Variants in IGF2R observed in about 807,000 individuals in gnomAD.
IGF2R encodes the protein insulin like growth factor 2 receptor, also known as cation-independent mannose-6-phosphate receptor.
Under a neutral mutation model 270.6 loss-of-function variants are expected in IGF2R, and 91 were observed. The ratio of observed to expected loss-of-function variants is 0.34; its 90% CI spans 0.28 to 0.40. The LOEUF (loss-of-function observed/expected upper bound fraction) is 0.40, where lower values mean the gene tolerates loss of function less well. Among genes scored for constraint, IGF2R ranks in the 10% least tolerant of loss-of-function variants. The pLI is 1.00. For missense variants in IGF2R, 2,805 were observed against 3,188.3 expected (o/e 0.88, Z 2.90); for synonymous variants, 1,316 against 1,258.9 (o/e 1.05, Z -0.96).
chr6:160,041,440 C>CA (rs1257498647), intron 11 of IGF2R, among the ~76,000 whole-genome samples: 1 of 152,002 alleles, frequency 6.6e-6, no homozygotes, highest in African/African-American at 2.4e-5. Context: ...ATTGAGAACA[C>CA]ATGGGCACAG....
chr6:160,009,191 G>C (rs566254725), intron 3 of IGF2R, 57 bp downstream of exon 3: 2 of 1,516,132 alleles, frequency 1.3e-6, no homozygotes, highest in African/African-American at 1.4e-5. Flanking sequence ...TCTGCCCCTT[G>C]GTGTTCTGGC....
At chr6:160,057,827 C>T (rs948819099) in intron 20 of IGF2R, among the ~76,000 whole-genome samples, 196 bp from the exon 21 acceptor site, 6 of 152,178 alleles carry the variant, frequency 3.9e-5, no homozygotes, top group African/African-American at 9.7e-5. Flanking sequence ...TCTGGGCTCA[C>T]ACTTGGTATA....
chr6:160,075,289 C>T (rs1778833616), intron 35 of IGF2R, among the ~76,000 whole-genome samples: 1 of 152,186 alleles, frequency 6.6e-6, no homozygotes, highest in East Asian at 1.9e-4. Context: ...TGGGCAGCCG[C>T]TGTGTGCCAG....
At chr6:160,063,388 C>T (rs1197072342) in intron 26 of IGF2R, 27 bp from the exon 27 acceptor site, 3 of 1,556,736 alleles carry the variant, frequency 1.9e-6, no homozygotes, top group Non-Finnish European at 1.8e-6. Flanking sequence ...GTTGCAGTTG[C>T]CCTTCACTTC....
intron 2 of IGF2R, among the ~76,000 whole-genome samples, chr6:160,008,246 T>C (rs1233253211): frequency 6.6e-6 from 1 of 152,208 alleles, no homozygotes; most frequent in Non-Finnish European, 1.5e-5. Context: ...TCTTTTTCCA[T>C]ATGGAAAACT....
In IGF2R at chr6:160,081,752, A is replaced by G. The variant is rs183345206; in HGVS notation, c.5833+1477A>G. ...AATTATTAAAATTCCTTACTGGGGA[A>G]AGAATTCAGCGATATTTCTCTTACC... On this transcript the variant is annotated intron_variant, in intron 39 of 47. Transcript: ENST00000356956. Among the ~76,000 whole-genome samples, 174 of 152,356 alleles carry G rather than the reference A, an allele frequency of 1.1e-3. 1 individual carries two copies. Among genetic ancestry groups the G allele is most frequent in the African/African-American group, 3.9e-3 (164 of 41,578 alleles).
chr6:160,057,177 G>A (rs1778334232), intron 20 of IGF2R, among the ~76,000 whole-genome samples: 1 of 152,218 alleles, frequency 6.6e-6, no homozygotes, highest in Admixed American at 6.5e-5. Flanking sequence ...GCCCACAGGT[G>A]TTAATGTGCC....
intron 1 of IGF2R, among the ~76,000 whole-genome samples, chr6:159,970,311 A>G (rs1172884910): frequency 6.6e-6 from 1 of 152,186 alleles, no homozygotes; most frequent in East Asian, 1.9e-4. Flanking sequence ...AGGAAGCAGG[A>G]TGAAAAGTTT....
At position 160,050,744 on chromosome 6, in the gene IGF2R, T is replaced by A. The variant is rs1279273286; in HGVS notation, c.2694+92T>A. The A allele has an allele frequency of 9.9e-6, 12 of 1,208,576 alleles. No individual in the cohort carries two copies. The highest frequency in any genetic ancestry group is 2.3e-6 in the Non-Finnish European group (2 of 873,240). The allele number at this position is 1,208,576 out of a possible 1,614,324, so 74.9% of individuals were successfully genotyped here. On this transcript the variant is annotated intron_variant, in intron 19 of 47. Transcript: ENST00000356956. The surrounding 1 kb of genome is among the most constrained non-coding windows in gnomAD (Gnocchi z 4.0). ...TCTCTTAACAGCAGCAGTCTTGGGGTGGGTGGCGGAGCTAGGCCAGTCTTA... is the reference window on the plus strand; with the variant it reads ...TCTCTTAACAGCAGCAGTCTTGGGGAGGGTGGCGGAGCTAGGCCAGTCTTA...
At chr6:159,980,043 C>T (rs1319402583) in intron 1 of IGF2R, among the ~76,000 whole-genome samples, 4 of 151,840 alleles carry the variant, frequency 2.6e-5, no homozygotes, top group South Asian at 2.1e-4. Flanking sequence ...TAGATGGGCG[C>T]GGTGGCGGGC....
At chr6:160,070,238 G>A (rs8191874) in intron 31 of IGF2R, among the ~76,000 whole-genome samples, 180 bp downstream of exon 31, 76 of 152,350 alleles carry the variant, frequency 5.0e-4, no homozygotes, top group Admixed American at 6.5e-4. Context: ...GGGAACCCTC[G>A]TGCTGTCTGG....
intron 1 of IGF2R, among the ~76,000 whole-genome samples, chr6:159,990,268 T>C (rs569769153): frequency 4.9e-4 from 74 of 152,328 alleles, no homozygotes; most frequent in African/African-American, 1.6e-3. Flanking sequence ...TCTCAGCTTG[T>C]AGTTCCCATA....
intron 19 of IGF2R, among the ~76,000 whole-genome samples, chr6:160,054,976 G>A (rs1778279133): frequency 6.6e-6 from 1 of 152,040 alleles, no homozygotes; most frequent in African/African-American, 2.4e-5. Flanking sequence ...CTTTGTCATT[G>A]GCTAACACTC....
At chr6:160,017,796 G>A (rs1777340722) in intron 4 of IGF2R, among the ~76,000 whole-genome samples, 1 of 152,120 alleles carries the variant, frequency 6.6e-6, no homozygotes, top group South Asian at 2.1e-4. Context: ...GTCTTTCTCA[G>A]ACATGCAAAT....
intron 41 of IGF2R, among the ~76,000 whole-genome samples, chr6:160,086,894 G>A (rs553478247): frequency 6.6e-6 from 1 of 152,224 alleles, no homozygotes; most frequent in Admixed American, 6.5e-5. Flanking sequence ...TGTGGTCAGG[G>A]TGGAAGGCAC....
intron 18 of IGF2R, 116 bp downstream of exon 18, chr6:160,048,659 C>T: frequency 9.6e-7 from 1 of 1,042,420 alleles, no homozygotes; most frequent in South Asian, 1.6e-5. Context: ...CGAGAGAAAC[C>T]CTCTGAGTAG....
chr6:160,030,285 G>A (rs1183653589), intron 7 of IGF2R, among the ~76,000 whole-genome samples: 1 of 152,224 alleles, frequency 6.6e-6, no homozygotes, highest in African/African-American at 2.4e-5. Context: ...CAGGGAGGGA[G>A]GGGTAGGGCA....
chr6:160,097,982 C>A (rs558862274), intron 45 of IGF2R, among the ~76,000 whole-genome samples: 1 of 152,254 alleles, frequency 6.6e-6, no homozygotes, highest in South Asian at 2.1e-4. Context: ...TATGGTGTTC[C>A]GGTGACGTCA....
chr6:160,065,814 G>GTGTGTGTATATATATATA lies in IGF2R; in HGVS notation c.4115+914_4115+915insGTGTGTATATATATATAT. On this transcript the variant is annotated intron_variant, in intron 29 of 47. Coordinates refer to ENST00000356956, the MANE Select transcript of IGF2R (RefSeq NM_000876.4). ...TGTGTGTGTGTGTGTGTGTGTGTGT[G>GTGTGTGTATATATATATA]TATATATATATATATATATATATAT... Among the ~76,000 whole-genome samples the GTGTGTGTATATATATATA allele has an allele frequency of 8.1e-3, 627 of 77,868 alleles. 4 individuals carry two copies. The highest frequency in any genetic ancestry group is 0.012 in the Non-Finnish European group (503 of 42,606). The allele number at this position is 77,868 out of a possible 152,430, so 51.1% of individuals were successfully genotyped here. A position where few individuals can be genotyped will look rare whatever the true frequency, so the allele number is the denominator to read the frequency against.
Sources: allele counts gnomAD v4.1 joint callset (sites outside exome capture counted in the v4.1 genomes callset), GRCh38; gene constraint gnomAD v4.1.1; non-coding constraint Gnocchi (gnomAD v3.1); transcripts MANE v1.5; gene names NCBI Gene and HGNC (gene_info 2026-07-23, HGNC 2026-07-21).